The following MBD5 variants were observed in gnomAD, a reference collection of about 807,000 sequenced individuals.
MBD5 encodes methyl-CpG-binding domain protein 5.
A neutral mutation model predicts 117.3 loss-of-function variants in MBD5; 13 were observed. The observed-to-expected ratio is 0.11, with a 90% confidence interval of 0.07 to 0.18. The LOEUF is 0.18. Ranked by LOEUF, MBD5 falls within the 10% of genes least tolerant of loss-of-function variation. The probability of loss-of-function intolerance (pLI) is 1.00; values close to 1 mark genes in which losing one functional copy is unlikely to be tolerated. For missense variants in MBD5, 1,879 were observed against 2,093.8 expected, an observed-to-expected ratio of 0.90 and a Z score of 2.00; for synonymous variants, 727 against 766.4, an observed-to-expected ratio of 0.95 and a Z score of 0.85.
chr2:148,345,569 ATACACATACATATGTATATACACG>A (rs1288093856), intron 4 of MBD5, among the ~76,000 whole-genome samples: 3 of 74,684 alleles, frequency 4.0e-5, no homozygotes, highest in Admixed American at 1.2e-4. Context: ...ATATACACGT[ATACACATACATATGTATATACACG>A]TATACACATA....
chr2:148,139,214 C>T (rs1050861967), intron 1 of MBD5, among the ~76,000 whole-genome samples: 3 of 150,744 alleles, frequency 2.0e-5, no homozygotes, highest in East Asian at 3.9e-4. Context: ...TTTTTTTAAC[C>T]TTTTTTTTTG....
At chr2:148,136,025 C>T (rs2105499877) in intron 1 of MBD5, among the ~76,000 whole-genome samples, 1 of 152,250 alleles carries the variant, frequency 6.6e-6, no homozygotes, top group South Asian at 2.1e-4. Context: ...TCTGGCATAT[C>T]CTATGGCCTT....
At chr2:148,038,354 A>G (rs1467707235) in intron 1 of MBD5, among the ~76,000 whole-genome samples, 2 of 151,886 alleles carry the variant, frequency 1.3e-5, no homozygotes, top group Non-Finnish European at 2.9e-5. Context: ...AAATTTCTAA[A>G]CAGGAGTCTT....
chr2:148,414,753 G>C (rs1169549786), intron 4 of MBD5, among the ~76,000 whole-genome samples: 1 of 152,136 alleles, frequency 6.6e-6, no homozygotes, highest in Non-Finnish European at 1.5e-5. Flanking sequence ...TTGGTTTAAA[G>C]TCTGTTTAGT....
chr2:148,490,827 G>T (rs767147169), intron 11 of MBD5: 1 of 550,828 alleles, frequency 1.8e-6, no homozygotes, highest in East Asian at 3.2e-5. Context: ...TAGGGCTCAG[G>T]GTGGCTGTAA....
At chr2:148,488,243 T>C (rs1037429069) in intron 10 of MBD5, among the ~76,000 whole-genome samples, 1 of 152,234 alleles carries the variant, frequency 6.6e-6, no homozygotes, top group African/African-American at 2.4e-5. Flanking sequence ...TGATGGGCTT[T>C]ATTTTCTCAT....
chr2:148,357,599 A>G (rs1034902256), intron 4 of MBD5, among the ~76,000 whole-genome samples: 1 of 151,412 alleles, frequency 6.6e-6, no homozygotes, highest in African/African-American at 2.4e-5. Flanking sequence ...ATTATCTTGC[A>G]TTATTTTCTT....
intron 2 of MBD5, among the ~76,000 whole-genome samples, chr2:148,226,565 A>G (rs921140368): frequency 1.9e-4 from 29 of 152,162 alleles, no homozygotes; most frequent in Admixed American, 1.4e-3. Context: ...TAGTGCCGCA[A>G]TAAACATACG....
chr2:148,345,803 A>T (rs11693638), intron 4 of MBD5, among the ~76,000 whole-genome samples: 42,685 of 151,428 alleles, frequency 0.28, 6,274 homozygotes, highest in African/African-American at 0.33. Context: ...GAGAGCCAGT[A>T]TGAGTCTCAA....
chr2:148,223,425 T>C, intron 2 of MBD5, among the ~76,000 whole-genome samples: 1 of 152,274 alleles, frequency 6.6e-6, no homozygotes, highest in Non-Finnish European at 1.5e-5. Context: ...TATTACAGCT[T>C]CAATCTCATT....
At chr2:148,282,968 G>T (rs2106390728) in intron 3 of MBD5, among the ~76,000 whole-genome samples, 1 of 147,086 alleles carries the variant, frequency 6.8e-6, no homozygotes, top group Admixed American at 6.9e-5. Flanking sequence ...TCAGACATTG[G>T]CAATTATATA....
At chr2:148,371,719 G>A (rs1244310568) in intron 4 of MBD5, among the ~76,000 whole-genome samples, 1 of 152,116 alleles carries the variant, frequency 6.6e-6, no homozygotes, top group Non-Finnish European at 1.5e-5. Context: ...CTTAACGTGA[G>A]AGCCATTTTT....
At chr2:148,122,162 C>T (rs1696784476) in intron 1 of MBD5, among the ~76,000 whole-genome samples, 3 of 152,110 alleles carry the variant, frequency 2.0e-5, no homozygotes, top group Admixed American at 2.0e-4. Flanking sequence ...GAGCACAACT[C>T]CTAATACAGA....
At chr2:148,070,861 T>G (rs922348082) in intron 1 of MBD5, 4 of 152,022 alleles carry the variant, frequency 2.6e-5, no homozygotes, top group East Asian at 3.8e-4. Flanking sequence ...TTTTTTGTTT[T>G]TTTTTTTTTA....
chr2:148,198,061 C>T (rs1056029691), intron 2 of MBD5, among the ~76,000 whole-genome samples: 7 of 152,000 alleles, frequency 4.6e-5, no homozygotes, highest in Middle Eastern at 3.4e-3. Context: ...GTGATCTCCC[C>T]GCCTCAGCCT....
intron 1 of MBD5, among the ~76,000 whole-genome samples, chr2:148,082,955 A>G (rs1385804817): frequency 6.6e-6 from 1 of 152,182 alleles, no homozygotes; most frequent in African/African-American, 2.4e-5. Flanking sequence ...ATGATCTCCT[A>G]TAGTCCTTCA....
chr2:148,312,294 C>T (rs754323862), intron 3 of MBD5, among the ~76,000 whole-genome samples: 3 of 152,178 alleles, frequency 2.0e-5, no homozygotes, highest in African/African-American at 4.8e-5. Flanking sequence ...ACCAATCAAA[C>T]GCAGGTTTGG....
At chr2:148,505,047 C>G (rs1029733516) in intron 12 of MBD5, among the ~76,000 whole-genome samples, 3 of 151,964 alleles carry the variant, frequency 2.0e-5, no homozygotes, top group Non-Finnish European at 4.4e-5. Context: ...GAACGAGGAC[C>G]CAAACCAGGA....
intron 2 of MBD5, among the ~76,000 whole-genome samples, chr2:148,183,954 T>G (rs11902579): frequency 6.6e-6 from 1 of 151,904 alleles, no homozygotes. Context: ...TTAATTAATT[T>G]AAAAAAATAA....
Sources: gnomAD v4.1 joint callset for allele counts (sites outside exome capture counted in the v4.1 genomes callset) on GRCh38, gnomAD v4.1.1 for gene constraint, MANE v1.5 for transcripts, NCBI Gene and HGNC (gene_info 2026-07-23, HGNC 2026-07-21) for gene names.